Variants in NOS1AP observed in about 807,000 individuals in gnomAD.
NOS1AP encodes the protein carboxyl-terminal PDZ ligand of neuronal nitric oxide synthase protein.
Under a neutral mutation model 56.2 loss-of-function variants are expected in NOS1AP, and 21 were observed. The observed-to-expected ratio is 0.37, with a 90% CI of 0.26 to 0.54. The LOEUF is 0.54. Ranked by LOEUF, NOS1AP falls within the 20% of genes least tolerant of loss-of-function variation. The pLI is 0.84. For missense variants in NOS1AP, 522 were observed against 657.8 expected, an observed-to-expected ratio of 0.79 and a Z score of 2.26; for synonymous variants, 270 against 274.6, an observed-to-expected ratio of 0.98 and a Z score of 0.17.
chr1:162,177,785 T>C (rs1038975757), intron 2 of NOS1AP, among the ~76,000 whole-genome samples: 21 of 152,306 alleles, frequency 1.4e-4, no homozygotes, highest in African/African-American at 4.8e-4. Flanking sequence ...TGTCCCCCAC[T>C]TTAAACATTC....
intron 2 of NOS1AP, among the ~76,000 whole-genome samples, chr1:162,158,987 TCTC>T (rs1308494120): frequency 6.6e-6 from 1 of 152,226 alleles, no homozygotes; most frequent in Non-Finnish European, 1.5e-5. Context: ...TCAGGGAAGT[TCTC>T]CTTGAGCTGG....
chr1:162,116,987 T>C (rs1464973205), intron 1 of NOS1AP, among the ~76,000 whole-genome samples: 1 of 152,226 alleles, frequency 6.6e-6, no homozygotes, highest in East Asian at 1.9e-4. Flanking sequence ...CTTTGTTCCA[T>C]TGTCCGAATC....
chr1:162,369,958 T>TC lies in NOS1AP; in HGVS notation c.*2494dup, dbSNP rs1647342150. 6.6e-6 allele frequency: 1 copy of TC among 152,552 alleles called. No homozygotes were observed. The highest frequency in any genetic ancestry group is 6.5e-5 in the Admixed American group (1 of 15,280). The allele number at this position is 152,552 out of a possible 1,614,324, so 9.4% of individuals were successfully genotyped here. Reference sequence around the variant, plus strand: ...ATTTCCCGACGATGTCACCCTGTCCTCCCTCCTTGCTTCTTGCTCTGCTAA... The same window carrying TC: ...ATTTCCCGACGATGTCACCCTGTCCTCCCCTCCTTGCTTCTTGCTCTGCTAA... On this transcript the variant is annotated 3_prime_UTR_variant, in exon 10 of 10. Coordinates refer to ENST00000361897, the MANE Select transcript of NOS1AP (RefSeq NM_014697.3).
At chr1:162,123,618 A>T (rs2102054764) in intron 1 of NOS1AP, among the ~76,000 whole-genome samples, 1 of 152,364 alleles carries the variant, frequency 6.6e-6, no homozygotes, top group Non-Finnish European at 1.5e-5. Flanking sequence ...AAAAGGGAGC[A>T]TATTATATTT....
intron 6 of NOS1AP, among the ~76,000 whole-genome samples, chr1:162,354,493 GA>G (rs1657628132): frequency 6.6e-6 from 1 of 152,172 alleles, no homozygotes; most frequent in African/African-American, 2.4e-5. Context: ...GTCTTCAGTG[GA>G]AAGGAAGAAA....
chr1:162,250,733 A>G (rs1482926929), intron 2 of NOS1AP, among the ~76,000 whole-genome samples: 1 of 152,172 alleles, frequency 6.6e-6, no homozygotes, highest in Non-Finnish European at 1.5e-5. Context: ...TTTTTAAACA[A>G]GAACTTAAAG....
chr1:162,224,991 T>C (rs1327152816), intron 2 of NOS1AP, among the ~76,000 whole-genome samples: 1 of 152,092 alleles, frequency 6.6e-6, no homozygotes, highest in Non-Finnish European at 1.5e-5. Flanking sequence ...AAAAATAAGG[T>C]TCTAATGAGC....
chr1:162,086,942 G>GCAAATACT (rs1332925951), intron 1 of NOS1AP, among the ~76,000 whole-genome samples: 3 of 152,308 alleles, frequency 2.0e-5, no homozygotes, highest in African/African-American at 4.8e-5. Flanking sequence ...GGTTAGCTCA[G>GCAAATACT]CAAATACTAG....
chr1:162,245,587 T>C (rs190082009), intron 2 of NOS1AP, among the ~76,000 whole-genome samples: 2 of 152,358 alleles, frequency 1.3e-5, no homozygotes, highest in East Asian at 3.9e-4. Flanking sequence ...CGCTTGTACA[T>C]GAACCTTCAT....
At position 162,368,210 on chromosome 1, in the gene NOS1AP, A is replaced by C. The variant is rs771859230; in HGVS notation, c.*743A>C. 6.6e-6 allele frequency: 1 copy of C among 152,186 alleles called. No individual in the cohort carries two copies. The highest frequency in any genetic ancestry group is 1.5e-5 in the Non-Finnish European group (1 of 68,096). The allele number at this position is 152,186 out of a possible 1,614,324, so 9.4% of individuals were successfully genotyped here. ...GGAGGACAGCTTGTCTGCTGCTCCA[A>C]ATCACTTAGATCTGATTCCTGTTTT... On this transcript the variant is annotated 3_prime_UTR_variant, in exon 10 of 10. Transcript: ENST00000361897.
chr1:162,248,308 C>T (rs1002387720), intron 2 of NOS1AP, among the ~76,000 whole-genome samples: 6 of 152,074 alleles, frequency 3.9e-5, no homozygotes, highest in African/African-American at 1.4e-4. Context: ...ATGTGAAGTG[C>T]CCAAGGTCTT....
chr1:162,263,264 C>G (rs989710633), intron 2 of NOS1AP, among the ~76,000 whole-genome samples: 1 of 6,784 alleles, frequency 1.5e-4, no homozygotes, highest in Non-Finnish European at 1.7e-3. Context: ...TCTCACAGTT[C>G]TGGAAGCTGG....
chr1:162,135,011 T>C (rs942727599), intron 1 of NOS1AP, among the ~76,000 whole-genome samples: 1 of 152,192 alleles, frequency 6.6e-6, no homozygotes, highest in Admixed American at 6.5e-5. Flanking sequence ...GCCTGCCTTC[T>C]CTATTTCTAT....
At chr1:162,294,558 T>C (rs980517218) in intron 3 of NOS1AP, among the ~76,000 whole-genome samples, 2 of 152,198 alleles carry the variant, frequency 1.3e-5, no homozygotes, top group Non-Finnish European at 2.9e-5. Flanking sequence ...AATCGAGATA[T>C]GAAGTTGAGC....
intron 5 of NOS1AP, among the ~76,000 whole-genome samples, chr1:162,341,639 A>G (rs527371462): frequency 6.6e-6 from 1 of 152,372 alleles, no homozygotes; most frequent in East Asian, 1.9e-4. Context: ...AGTGGTAGGC[A>G]GAATAAAGTC....
intron 2 of NOS1AP, among the ~76,000 whole-genome samples, chr1:162,236,751 A>G (rs114923676): frequency 6.6e-6 from 1 of 152,038 alleles, no homozygotes; most frequent in East Asian, 1.9e-4. Flanking sequence ...TGTTGTCTCT[A>G]TAAATCGAAA....
At chr1:162,124,337 T>A (rs1463742735) in intron 1 of NOS1AP, among the ~76,000 whole-genome samples, 1 of 152,170 alleles carries the variant, frequency 6.6e-6, no homozygotes, top group Non-Finnish European at 1.5e-5. Flanking sequence ...TGCCTTTGCG[T>A]ACCCAGGGCT....
At chr1:162,130,274 T>G (rs1186767397) in intron 1 of NOS1AP, among the ~76,000 whole-genome samples, 1 of 152,204 alleles carries the variant, frequency 6.6e-6, no homozygotes, top group East Asian at 1.9e-4. Flanking sequence ...TAAGTTAAGA[T>G]CTCTCAGCCT....
At chr1:162,251,882 T>G (rs1157066116) in intron 2 of NOS1AP, among the ~76,000 whole-genome samples, 3 of 142,704 alleles carry the variant, frequency 2.1e-5, no homozygotes, top group African/African-American at 7.7e-5. Context: ...TTTTTTTTTT[T>G]TTTTTTTGTG....
Sources: gnomAD v4.1 joint callset for allele counts (sites outside exome capture counted in the v4.1 genomes callset) on GRCh38, gnomAD v4.1.1 for gene constraint, MANE v1.5 for transcripts, NCBI Gene and HGNC (gene_info 2026-07-23, HGNC 2026-07-21) for gene names.